Variants in PTPRT observed in about 807,000 individuals in gnomAD.
PTPRT encodes the protein protein tyrosine phosphatase receptor type T.
A neutral mutation model predicts 176.8 loss-of-function variants in PTPRT; 56 were observed. The ratio of observed to expected loss-of-function variants is 0.32; its 90% CI spans 0.26 to 0.40. The LOEUF is 0.40. Ranked by LOEUF, PTPRT falls within the 10% of genes least tolerant of loss-of-function variation. The probability of loss-of-function intolerance (pLI) is 1.00; values close to 1 mark genes in which losing one functional copy is unlikely to be tolerated. For missense variants in PTPRT, 1,540 were observed against 1,908.2 expected, an observed-to-expected ratio of 0.81 and a Z score of 3.60; for synonymous variants, 783 against 739.0, an observed-to-expected ratio of 1.06 and a Z score of -0.96.
At chr20:42,816,669 C>A (rs138006467) in intron 2 of PTPRT, among the ~76,000 whole-genome samples, 85 of 152,224 alleles carry the variant, frequency 5.6e-4, no homozygotes, top group African/African-American at 2.0e-3. Flanking sequence ...CTCATGCTGC[C>A]CTGGTAAGAA....
intron 19 of PTPRT, among the ~76,000 whole-genome samples, chr20:42,121,420 T>A (rs1987584799): frequency 6.6e-6 from 1 of 152,152 alleles, no homozygotes. Flanking sequence ...ATTTTTTTTG[T>A]CACAGAGCTC....
intron 7 of PTPRT, among the ~76,000 whole-genome samples, chr20:42,676,013 T>A (rs2075495009): frequency 6.6e-6 from 1 of 152,214 alleles, no homozygotes. Flanking sequence ...AGTCCTTCCA[T>A]AAGCTCATCA....
At chr20:43,052,975 C>T (rs1293151661) in intron 1 of PTPRT, among the ~76,000 whole-genome samples, 2 of 151,988 alleles carry the variant, frequency 1.3e-5, no homozygotes, top group Non-Finnish European at 2.9e-5. Context: ...AAACACTGTA[C>T]CTGAAACGTT....
Position 42,545,520 on chromosome 20 carries a change from C to T in PTPRT, c.1154-72958G>A, listed in dbSNP as rs562326699. Among the ~76,000 whole-genome samples the T allele has an allele frequency of 6.6e-5, 10 of 152,276 alleles. No homozygotes were observed. The South Asian group carries it at 1.9e-3, about 28-fold the overall frequency. On this transcript the variant is annotated intron_variant, in intron 7 of 30. Transcript: ENST00000373187. ...TTTTGCTCAACCCACACTTTCAATT[C>T]CCCAGCCTATCCTGAGGAAACAAAC...
At chr20:42,108,495 T>C (rs6102676) in intron 23 of PTPRT, among the ~76,000 whole-genome samples, 3,876 of 152,310 alleles carry the variant, frequency 0.025, 154 homozygotes, top group African/African-American at 0.089. Flanking sequence ...TATGTATAAA[T>C]TGGATGAAAT....
At chr20:42,977,282 C>T (rs549437295) in intron 1 of PTPRT, among the ~76,000 whole-genome samples, 1 of 152,072 alleles carries the variant, frequency 6.6e-6, no homozygotes, top group African/African-American at 2.4e-5. Flanking sequence ...CATTTGCTCC[C>T]ATTTTATAGA....
At chr20:42,204,786 AGAG>A (rs537809592) in intron 15 of PTPRT, among the ~76,000 whole-genome samples, 27 of 152,026 alleles carry the variant, frequency 1.8e-4, no homozygotes, top group African/African-American at 6.5e-4. Context: ...GGCTCACGGG[AGAG>A]GAATGAAGGG....
intron 6 of PTPRT, among the ~76,000 whole-genome samples, chr20:42,713,574 T>A (rs1220357627): frequency 6.6e-6 from 1 of 152,164 alleles, no homozygotes; most frequent in Non-Finnish European, 1.5e-5. Context: ...TTTAACATTT[T>A]CTTTTCAATT....
At chr20:42,375,888 G>T (rs529268958) in intron 9 of PTPRT, among the ~76,000 whole-genome samples, 62 of 152,286 alleles carry the variant, frequency 4.1e-4, no homozygotes, top group African/African-American at 1.3e-3. Context: ...GGGGGTGCCT[G>T]CTCAGAACAT....
At chr20:43,036,238 T>C (rs1986374670) in intron 1 of PTPRT, among the ~76,000 whole-genome samples, 1 of 152,228 alleles carries the variant, frequency 6.6e-6, no homozygotes, top group Non-Finnish European at 1.5e-5. Context: ...CTGTGTATCC[T>C]GGTGTCTCAC....
intron 7 of PTPRT, among the ~76,000 whole-genome samples, chr20:42,554,511 TA>T (rs2072826996): frequency 6.6e-6 from 1 of 152,154 alleles, no homozygotes; most frequent in African/African-American, 2.4e-5. Context: ...CCCAATTGCC[TA>T]CAAGAGTAAC....
intron 7 of PTPRT, among the ~76,000 whole-genome samples, chr20:42,556,536 A>G (rs1359914828): frequency 7.2e-6 from 1 of 138,078 alleles, no homozygotes; most frequent in African/African-American, 2.8e-5. Flanking sequence ...TTTGAGCATC[A>G]ATTCGCTATC....
chr20:42,466,042 T>C (rs1349367273), intron 8 of PTPRT, among the ~76,000 whole-genome samples: 2 of 152,204 alleles, frequency 1.3e-5, no homozygotes, highest in Non-Finnish European at 2.9e-5. Flanking sequence ...TGTCTGTTCC[T>C]GTGTTAGTCT....
chr20:42,835,329 T>C (rs2078162825), intron 2 of PTPRT, among the ~76,000 whole-genome samples: 1 of 151,818 alleles, frequency 6.6e-6, no homozygotes, highest in Non-Finnish European at 1.5e-5. Flanking sequence ...ACTGGGGAAA[T>C]GAGGAAAGAG....
chr20:43,113,718 C>G (rs1048988448), intron 1 of PTPRT, among the ~76,000 whole-genome samples: 1 of 152,166 alleles, frequency 6.6e-6, no homozygotes, highest in African/African-American at 2.4e-5. Context: ...GTGGAAAGAT[C>G]AAAGGCTTGG....
chr20:42,270,865 TC>T (rs1249245606), intron 13 of PTPRT, among the ~76,000 whole-genome samples: 1 of 152,176 alleles, frequency 6.6e-6, no homozygotes, highest in Non-Finnish European at 1.5e-5. Context: ...ATGGGAGCCC[TC>T]CTTTTTTCTG....
At chr20:42,771,664 G>A (rs1264346363) in intron 4 of PTPRT, 114 bp from the exon 5 acceptor site, 1 of 774,584 alleles carries the variant, frequency 1.3e-6, no homozygotes, top group African/African-American at 1.7e-5. Flanking sequence ...TGGCACTTAA[G>A]AAGTAGCCCG....
chr20:42,192,320 A>G (rs1205541220), intron 16 of PTPRT, among the ~76,000 whole-genome samples: 2 of 152,064 alleles, frequency 1.3e-5, no homozygotes, highest in African/African-American at 2.4e-5. Flanking sequence ...GCCAGCCTCT[A>G]TTGTTTTAAA....
intron 21 of PTPRT, among the ~76,000 whole-genome samples, chr20:42,117,581 C>A (rs1180081527): frequency 6.6e-6 from 1 of 152,004 alleles, no homozygotes; most frequent in Non-Finnish European, 1.5e-5. Context: ...GAGCGGGTAG[C>A]AAAGGGTTGG....
Sources: gnomAD v4.1 joint callset for allele counts (sites outside exome capture counted in the v4.1 genomes callset) on GRCh38, gnomAD v4.1.1 for gene constraint, MANE v1.5 for transcripts, NCBI Gene and HGNC (gene_info 2026-07-23, HGNC 2026-07-21) for gene names.